The following ADGRD1 variants were observed in gnomAD, a reference collection of about 807,000 sequenced individuals.
ADGRD1 encodes the protein adhesion G protein-coupled receptor D1.
ADGRD1 carries 77 observed loss-of-function variants against 113.4 expected under a neutral mutation model. The ratio of observed to expected loss-of-function variants is 0.68; its 90% CI spans 0.57 to 0.82. ADGRD1 has a LOEUF of 0.82. ADGRD1 is among the 40% of genes least tolerant of loss of function. The pLI is 0.00. For missense variants in ADGRD1, 1,036 were observed against 1,139.1 expected (o/e 0.91, Z 1.30); for synonymous variants, 474 against 475.0 (o/e 1.00, Z 0.03).
At chr12:131,088,650 G>A (rs887568413) in intron 15 of ADGRD1, among the ~76,000 whole-genome samples, 6 of 152,134 alleles carry the variant, frequency 3.9e-5, no homozygotes, top group African/African-American at 1.4e-4. Context: ...GGGGCTCCAG[G>A]CCCAGGGGTC....
At chr12:131,004,391 A>AACT in intron 11 of ADGRD1, 95 bp downstream of exon 11, 2 of 717,120 alleles carry the variant, frequency 2.8e-6, no homozygotes, top group Non-Finnish European at 4.5e-6. Flanking sequence ...CGCGCCAGGG[A>AACT]GCTGCGGTGC....
intron 13 of ADGRD1, among the ~76,000 whole-genome samples, chr12:131,058,049 A>G (rs1351979415): frequency 6.6e-6 from 1 of 152,210 alleles, no homozygotes; most frequent in Non-Finnish European, 1.5e-5. Context: ...AACTTCCTAG[A>G]TCCAGAAGTT....
intron 12 of ADGRD1, 111 bp downstream of exon 12, chr12:131,006,158 A>C: frequency 1.1e-6 from 1 of 948,150 alleles, no homozygotes; most frequent in Non-Finnish European, 1.7e-6. Flanking sequence ...TCTGGACACG[A>C]GTACCGGGCG....
intron 15 of ADGRD1, among the ~76,000 whole-genome samples, chr12:131,099,311 C>G (rs1017215730): frequency 6.6e-6 from 1 of 152,258 alleles, no homozygotes; most frequent in Non-Finnish European, 1.5e-5. Context: ...CACCCTCCCT[C>G]CCTTCCAGTT....
chr12:131,141,340 C>T lies in ADGRD1; in HGVS notation c.*2077C>T, dbSNP rs1314096307. ...TTCTGCAGTACTTTTATTATCTATA[C>T]ATAATTTGGCCAAAAATAAGAAATT... On this transcript the variant is annotated 3_prime_UTR_variant, in exon 25 of 25. Transcript: ENST00000261654. The T allele has an allele frequency of 3.3e-5, 5 of 152,190 alleles. No homozygotes were observed. The highest frequency in any genetic ancestry group is 6.5e-5 in the Admixed American group (1 of 15,280). The allele number at this position is 152,190 out of a possible 1,614,324, so 9.4% of individuals were successfully genotyped here.
Position 130,994,234 on chromosome 12 carries a change from G to C in ADGRD1, c.966+1842G>C, listed in dbSNP as rs902004592. 8.8e-6 allele frequency: 4 copies of C among 452,888 alleles called. No homozygotes were observed. In the East Asian group the frequency reaches 2.8e-4, roughly 32 times the overall value. 28.1% of individuals were successfully genotyped at this position (452,888 alleles called of 1,614,324 possible). Reference sequence around the variant, plus strand: ...TCCTTATGCATGTATGCACAGGACCGGGCGTGAGGCCCCGAGACAGGGCTT... The same window carrying C: ...TCCTTATGCATGTATGCACAGGACCCGGCGTGAGGCCCCGAGACAGGGCTT... On this transcript the variant is annotated intron_variant, in intron 8 of 24. Transcript: ENST00000261654.
intron 13 of ADGRD1, among the ~76,000 whole-genome samples, chr12:131,059,965 G>C (rs750596377): frequency 2.6e-5 from 4 of 152,168 alleles, no homozygotes; most frequent in Admixed American, 6.5e-5. Context: ...TGGACACTTT[G>C]GTTATTATGT....
chr12:131,100,811 A>G (rs1364809672), intron 15 of ADGRD1, among the ~76,000 whole-genome samples: 1 of 152,174 alleles, frequency 6.6e-6, no homozygotes, highest in African/African-American at 2.4e-5. Flanking sequence ...GCGAACTCTC[A>G]TGTCAGCCCA....
intron 20 of ADGRD1, among the ~76,000 whole-genome samples, chr12:131,125,471 TGTGTCTA>T (rs1950718304): frequency 6.6e-6 from 1 of 152,172 alleles, no homozygotes; most frequent in Non-Finnish European, 1.5e-5. Flanking sequence ...AGGGTAGCTA[TGTGTCTA>T]CATAGAGACA....
chr12:131,035,500 G>T (rs566185254), intron 13 of ADGRD1: 15 of 152,230 alleles, frequency 9.9e-5, no homozygotes, highest in African/African-American at 3.4e-4. Flanking sequence ...CTTCAGTAGC[G>T]TCTGTTTTCT....
intron 13 of ADGRD1, among the ~76,000 whole-genome samples, chr12:131,046,354 GTCCT>G (rs1882767026): frequency 1.1e-4 from 3 of 26,414 alleles, no homozygotes; most frequent in Non-Finnish European, 2.6e-4. Context: ...CCTGGTCAGT[GTCCT>G]CCCTGGTCAG....
intron 4 of ADGRD1, among the ~76,000 whole-genome samples, chr12:130,976,416 G>A (rs1872315873): frequency 6.6e-6 from 1 of 152,304 alleles, no homozygotes; most frequent in African/African-American, 2.4e-5. Flanking sequence ...TAGGCCCTGG[G>A]TGGCAGCAAC....
At chr12:130,994,022 TG>T (rs1874815449) in intron 8 of ADGRD1, 1 of 191,196 alleles carries the variant, frequency 5.2e-6, no homozygotes, top group African/African-American at 2.3e-5. Flanking sequence ...TGGCCAGAGC[TG>T]GGCCACATGA....
chr12:131,107,435 A>G (rs1219690733), intron 17 of ADGRD1, among the ~76,000 whole-genome samples: 3 of 149,236 alleles, frequency 2.0e-5, no homozygotes, highest in Non-Finnish European at 4.4e-5. Flanking sequence ...CTGCTCTCCC[A>G]GAGACCCGTG....
intron 13 of ADGRD1, among the ~76,000 whole-genome samples, chr12:131,066,277 C>T (rs565049064): frequency 4.5e-4 from 68 of 152,204 alleles, no homozygotes; most frequent in Non-Finnish European, 8.8e-4. Context: ...TGTGATCTCA[C>T]GTCTGCAAGC....
At chr12:131,103,402 G>A (rs114881128) in intron 15 of ADGRD1, among the ~76,000 whole-genome samples, 6,186 of 152,376 alleles carry the variant, frequency 0.041, 409 homozygotes, top group African/African-American at 0.14. Context: ...ACAGGCTGTG[G>A]CGTCCAGGCT....
Position 130,987,181 on chromosome 12 carries a change from C to G in ADGRD1, c.577C>G (p.Pro193Ala). The G allele has an allele frequency of 6.2e-7, 1 of 1,614,158 alleles. No homozygotes were observed. The highest frequency in any genetic ancestry group is 8.5e-7 in the Non-Finnish European group (1 of 1,179,978). ...CAACGGGACCCTGAGCACCTCTGAT[C>G]CGAGTGGAAAAGTGTCTCGTGACTA... ...YVNGTLSTSDPSGKVSRDYGE... is the reference protein window; with the variant it reads ...YVNGTLSTSDASGKVSRDYGE... Residue 193 changes from proline (P) to alanine (A), a missense_variant, in exon 6 of 25, where the codon CCG becomes GCG. By Grantham distance (27) the Pro-to-Ala change is conservative. Coordinates refer to ENST00000261654, the MANE Select transcript of ADGRD1 (RefSeq NM_198827.5).
chr12:131,112,052 T>A (rs1950357695), intron 18 of ADGRD1, among the ~76,000 whole-genome samples: 1 of 152,184 alleles, frequency 6.6e-6, no homozygotes, highest in East Asian at 1.9e-4. Flanking sequence ...GATGACACAT[T>A]GTAGCCACCC....
chr12:131,109,081 C>T (rs1338718065), intron 18 of ADGRD1, among the ~76,000 whole-genome samples: 1 of 152,092 alleles, frequency 6.6e-6, no homozygotes, highest in East Asian at 1.9e-4. Flanking sequence ...CTTCTTGGTG[C>T]CTCCTAGAGA....
Sources: allele counts gnomAD v4.1 joint callset (sites outside exome capture counted in the v4.1 genomes callset), GRCh38; gene constraint gnomAD v4.1.1; transcripts MANE v1.5; gene names NCBI Gene and HGNC (gene_info 2026-07-23, HGNC 2026-07-21).